Variants in LMNTD1 observed in about 807,000 individuals in gnomAD.
The protein encoded by LMNTD1 is lamin tail domain containing 1, also known as lamin tail domain-containing protein 1.
In LMNTD1, 35 loss-of-function variants were observed where a neutral mutation model predicts 50.9. The ratio of observed to expected loss-of-function variants is 0.69; its 90% CI spans 0.53 to 0.91. The LOEUF (loss-of-function observed/expected upper bound fraction) is 0.91. LMNTD1 is among the 40% of genes least tolerant of loss of function. The probability of loss-of-function intolerance (pLI) is 0.00; values close to 1 mark genes in which losing one functional copy is unlikely to be tolerated. For synonymous variants in LMNTD1, 153 were observed against 161.9 expected (o/e 0.94, Z 0.42); for missense variants, 470 against 475.5 (o/e 0.99, Z 0.11).
intron 4 of LMNTD1, among the ~76,000 whole-genome samples, chr12:25,531,777 TA>T: frequency 6.6e-6 from 1 of 152,278 alleles, no homozygotes; most frequent in East Asian, 1.9e-4. Flanking sequence ...AGAAGTAGAT[TA>T]AAACAAAATC....
intron 1 of LMNTD1, among the ~76,000 whole-genome samples, chr12:25,639,624 G>A (rs1390150458): frequency 6.6e-6 from 1 of 152,148 alleles, no homozygotes; most frequent in Non-Finnish European, 1.5e-5. Context: ...ACACTAGCCT[G>A]GGTATAATTT....
chr12:25,639,540 C>T (rs970930111), intron 1 of LMNTD1, among the ~76,000 whole-genome samples: 1 of 151,990 alleles, frequency 6.6e-6, no homozygotes, highest in Non-Finnish European at 1.5e-5. Flanking sequence ...ATACGAATAA[C>T]CAACAAGCAC....
chr12:25,562,938 A>G (rs1361372624), intron 1 of LMNTD1, among the ~76,000 whole-genome samples: 2 of 152,188 alleles, frequency 1.3e-5, no homozygotes, highest in African/African-American at 4.8e-5. Context: ...CAGCTACTGA[A>G]GCTTGTGTAT....
At position 25,549,508 on chromosome 12, in the gene LMNTD1, A is replaced by T; in HGVS notation, c.128T>A (p.Phe43Tyr). The T allele has an allele frequency of 6.2e-7, 1 of 1,612,606 alleles. No homozygotes were observed. Among genetic ancestry groups the T allele is most frequent in the Non-Finnish European group, 8.5e-7 (1 of 1,178,836 alleles). The change falls in exon 3 of 10, where the codon TTT (phenylalanine) becomes TAT (tyrosine). Residue 43 changes from phenylalanine to tyrosine, a missense_variant. Coordinates refer to ENST00000458174, the MANE Select transcript of LMNTD1 (RefSeq NM_001145728.2). ...AACTGAACCCAACATCTTTGGGGAA[A>T]AATGTACTAAAGAATATACTCCAAG... ...DKLGVYSLVH[F>Y]SPKMLGSVAT...
Position 25,519,999 on chromosome 12 carries a change from CA to C in LMNTD1, c.874del (p.Cys292ValfsTer3). ...TCGGAATGTTGGAGATACTACTGAA[CA>C]TCTGTTAAATTCAACGTCAGCATCT... ...KLDADVEFNR[C>X]SVVSPTFRKR... On this transcript the variant is annotated frameshift_variant, in exon 7 of 10. Coordinates refer to ENST00000458174, the MANE Select transcript of LMNTD1 (RefSeq NM_001145728.2). LOFTEE classifies it high-confidence loss of function. 1 of 1,613,710 alleles carries C rather than the reference CA, an allele frequency of 6.2e-7. No homozygotes were observed. The highest frequency in any genetic ancestry group is 8.5e-7 in the Non-Finnish European group (1 of 1,179,890).
At chr12:25,491,962 T>C (rs1442007778) in intron 9 of LMNTD1, among the ~76,000 whole-genome samples, 1 of 152,164 alleles carries the variant, frequency 6.6e-6, no homozygotes, top group Non-Finnish European at 1.5e-5. Context: ...ATTGAGGCAG[T>C]GATTGCACAA....
intron 1 of LMNTD1, among the ~76,000 whole-genome samples, chr12:25,574,789 A>G (rs1270783988): frequency 6.6e-6 from 1 of 152,168 alleles, no homozygotes; most frequent in South Asian, 2.1e-4. Flanking sequence ...TCCAGTGCAC[A>G]GAATAGACAC....
At chr12:25,537,158 C>T (rs896336762) in intron 4 of LMNTD1, among the ~76,000 whole-genome samples, 2 of 152,142 alleles carry the variant, frequency 1.3e-5, no homozygotes, top group African/African-American at 4.8e-5. Flanking sequence ...GGAGGGGCGC[C>T]CACCATTGCC....
intron 1 of LMNTD1, among the ~76,000 whole-genome samples, chr12:25,578,170 A>G (rs569730609): frequency 6.6e-6 from 1 of 152,342 alleles, no homozygotes; most frequent in Non-Finnish European, 1.5e-5. Context: ...ACACACTTTA[A>G]GAAGATTGTC....
Position 25,618,701 on chromosome 12 carries a change from G to T in LMNTD1, c.58+29793C>A, listed in dbSNP as rs564142724. ...AGAATTTACTCTATACTTGGTAAAA[G>T]AATTTAACATCAATTTGAATACTAA... On this transcript the variant is annotated intron_variant, in intron 1 of 7. Coordinates refer to the LMNTD1 transcript ENST00000445693. Among the ~76,000 whole-genome samples the T allele has an allele frequency of 2.6e-5, 4 of 152,282 alleles. No individual in the cohort carries two copies. In the South Asian group the frequency reaches 6.2e-4, roughly 24 times the overall value.
chr12:25,548,243 T>A (rs192724577), intron 3 of LMNTD1, among the ~76,000 whole-genome samples: 7 of 151,902 alleles, frequency 4.6e-5, no homozygotes, highest in Non-Finnish European at 7.4e-5. Flanking sequence ...AAGATTTTTT[T>A]AAAATATCAG....
chr12:25,549,624 A>C, intron 2 of LMNTD1, 78 bp from the exon 3 acceptor site: 3 of 719,114 alleles, frequency 4.2e-6, no homozygotes, highest in Non-Finnish European at 6.4e-6. Flanking sequence ...ATGGGCTATT[A>C]TTATTACCCA....
chr12:25,638,785 C>T (rs1946889640), intron 1 of LMNTD1, among the ~76,000 whole-genome samples: 1 of 152,056 alleles, frequency 6.6e-6, no homozygotes, highest in Admixed American at 6.6e-5. Flanking sequence ...ATGGAAAATT[C>T]CAACTGCCTT....
At chr12:25,603,044 T>C (rs1031081351) in intron 1 of LMNTD1, among the ~76,000 whole-genome samples, 1 of 152,072 alleles carries the variant, frequency 6.6e-6, no homozygotes, top group Admixed American at 6.6e-5. Context: ...TAGAGGTGAG[T>C]GGTAAAAAAT....
chr12:25,605,439 T>A (rs938865462), intron 1 of LMNTD1, among the ~76,000 whole-genome samples: 176 of 152,174 alleles, frequency 1.2e-3, no homozygotes, highest in African/African-American at 3.7e-3. Flanking sequence ...CTGAATGGTA[T>A]TGCCTAGGTT....
intron 4 of LMNTD1, among the ~76,000 whole-genome samples, chr12:25,537,685 C>T (rs886226019): frequency 3.3e-5 from 5 of 152,086 alleles, no homozygotes; most frequent in African/African-American, 9.7e-5. Flanking sequence ...TCCAAAGGAA[C>T]GCAGCTCCTC....
chr12:25,551,965 C>T (rs1943769938), intron 2 of LMNTD1, among the ~76,000 whole-genome samples: 2 of 152,154 alleles, frequency 1.3e-5, no homozygotes, highest in South Asian at 4.2e-4. Context: ...TTCAATGTTA[C>T]TTTGGGAGAC....
intron 9 of LMNTD1, among the ~76,000 whole-genome samples, chr12:25,499,281 C>G (rs1281590596): frequency 2.6e-5 from 4 of 151,638 alleles, no homozygotes; most frequent in Non-Finnish European, 5.9e-5. Flanking sequence ...ACTATGTTTC[C>G]CAGGCTGGTC....
At position 25,553,085 on chromosome 12, in the gene LMNTD1, C is replaced by T; in HGVS notation, c.-47G>A. The T allele has an allele frequency of 6.2e-7, 1 of 1,613,748 alleles. No individual in the cohort carries two copies. On this transcript the variant is annotated 5_prime_UTR_variant, in exon 1 of 10. Coordinates refer to ENST00000458174, the MANE Select transcript of LMNTD1 (RefSeq NM_001145728.2). The stretch of plus-strand genomic sequence containing the variant: ...TGACCTCACCTGTTAATCCAACTAC[C>T]TTCAAGCATCAGCTAGGTTTAATAA...
Sources: gnomAD v4.1 joint callset for allele counts (sites outside exome capture counted in the v4.1 genomes callset) on GRCh38, gnomAD v4.1.1 for gene constraint, MANE v1.5 for transcripts, NCBI Gene and HGNC (gene_info 2026-07-23, HGNC 2026-07-21) for gene names.